PALLD: variants seen among roughly 807,000 people sequenced by gnomAD.
PALLD encodes the protein palladin, cytoskeletal associated protein.
Under a neutral mutation model 123.5 loss-of-function variants are expected in PALLD, and 61 were observed. The observed-to-expected ratio is 0.49, with a 90% confidence interval of 0.40 to 0.61. The LOEUF (loss-of-function observed/expected upper bound fraction) is 0.61. Ranked by LOEUF, PALLD falls within the 20% of genes least tolerant of loss-of-function variation. The pLI is 0.00. For synonymous variants in PALLD, 465 were observed against 496.4 expected, an observed-to-expected ratio of 0.94 and a Z score of 0.84; for missense variants, 1,273 against 1,377.0, an observed-to-expected ratio of 0.92 and a Z score of 1.20.
At chr4:168,787,758 T>C (rs912314367) in intron 10 of PALLD, among the ~76,000 whole-genome samples, 1 of 152,256 alleles carries the variant, frequency 6.6e-6, no homozygotes, top group African/African-American at 2.4e-5. Context: ...AGTCAACTAC[T>C]TTCTTTTATT....
chr4:168,743,068 T>C (rs1310993111), intron 10 of PALLD, among the ~76,000 whole-genome samples: 1 of 152,198 alleles, frequency 6.6e-6, no homozygotes, highest in African/African-American at 2.4e-5. Context: ...TTGCCTTCTG[T>C]GTCCTCCCCA....
chr4:168,767,446 G>T (rs1733822524), intron 10 of PALLD, among the ~76,000 whole-genome samples: 1 of 151,872 alleles, frequency 6.6e-6, no homozygotes, highest in Admixed American at 6.6e-5. Flanking sequence ...AGATAACATT[G>T]TTAACTTAGG....
chr4:168,679,061 CGT>C (rs777953027), intron 3 of PALLD, among the ~76,000 whole-genome samples: 5 of 84,116 alleles, frequency 5.9e-5, no homozygotes, highest in Non-Finnish European at 6.8e-5. Context: ...TGTGTAGGTG[CGT>C]GTGTGGTGGG....
chr4:168,552,043 TAGGTAAAATCTTTGAGATTTACCCTATA>T (rs1324619837), intron 2 of PALLD, among the ~76,000 whole-genome samples: 15 of 152,144 alleles, frequency 9.9e-5, no homozygotes, highest in African/African-American at 3.6e-4. Flanking sequence ...TTAAATACAT[TAGGTAAAATCTTTGAGATTTACCCTATA>T]AGGTAAATCT....
rs893660432 is a variant in PALLD, at chr4:168,926,374, G to C, written c.*194G>C. On this transcript the variant is annotated 3_prime_UTR_variant, in exon 22 of 22. Transcript: ENST00000505667. The stretch of plus-strand genomic sequence containing the variant: ...ACTGAATACTGCCTTGGTAGAAAGT[G>C]AGGACCTGTAATCCAGCATTCTTGT... 2 of 1,536,844 alleles carry C rather than the reference G, an allele frequency of 1.3e-6. No individual in the cohort carries two copies. The highest frequency in any genetic ancestry group is 1.7e-6 in the Non-Finnish European group (2 of 1,146,474).
chr4:168,905,572 A>G (rs1176764660), intron 15 of PALLD, among the ~76,000 whole-genome samples: 1 of 152,104 alleles, frequency 6.6e-6, no homozygotes, highest in East Asian at 1.9e-4. Flanking sequence ...AAAACAGATT[A>G]TCCAGCTAAT....
chr4:168,585,771 G>A (rs540778483), intron 2 of PALLD, among the ~76,000 whole-genome samples: 3 of 152,222 alleles, frequency 2.0e-5, no homozygotes, highest in Admixed American at 6.5e-5. Context: ...AGCAGCCCAC[G>A]CCTGCTCTTA....
intron 10 of PALLD, among the ~76,000 whole-genome samples, chr4:168,799,313 C>T (rs1738975545): frequency 6.6e-6 from 1 of 152,166 alleles, no homozygotes; most frequent in African/African-American, 2.4e-5. Context: ...GAGTCCTTCT[C>T]AGGCCATATT....
chr4:168,884,909 A>T (rs528073016), intron 10 of PALLD, among the ~76,000 whole-genome samples: 3 of 152,342 alleles, frequency 2.0e-5, no homozygotes, highest in Admixed American at 6.5e-5. Flanking sequence ...ACATTAGTTC[A>T]TGTAGTTTAC....
chr4:168,782,146 A>G (rs961164727), intron 10 of PALLD, among the ~76,000 whole-genome samples: 1 of 152,232 alleles, frequency 6.6e-6, no homozygotes, highest in African/African-American at 2.4e-5. Flanking sequence ...TGAATATTAT[A>G]GTACAACCGT....
At chr4:168,539,028 A>G (rs1765357065) in intron 2 of PALLD, among the ~76,000 whole-genome samples, 2 of 152,232 alleles carry the variant, frequency 1.3e-5, no homozygotes, top group South Asian at 4.1e-4. Flanking sequence ...AGATAAATGT[A>G]TAGTGTGTCA....
At chr4:168,887,021 G>A (rs533153966) in intron 10 of PALLD, among the ~76,000 whole-genome samples, 2 of 150,360 alleles carry the variant, frequency 1.3e-5, no homozygotes, top group South Asian at 4.2e-4. Flanking sequence ...GGAGGCTGAG[G>A]CAGGAGAACT....
intron 2 of PALLD, among the ~76,000 whole-genome samples, chr4:168,554,855 T>C (rs1767109191): frequency 6.6e-6 from 1 of 152,122 alleles, no homozygotes. Context: ...ACCTATCATA[T>C]TTATACTATT....
At chr4:168,695,419 G>A (rs1024081128) in intron 8 of PALLD, among the ~76,000 whole-genome samples, 4 of 152,170 alleles carry the variant, frequency 2.6e-5, no homozygotes, top group African/African-American at 7.2e-5. Context: ...GCCACACCAC[G>A]CTGACAGGGA....
intron 10 of PALLD, among the ~76,000 whole-genome samples, chr4:168,734,821 G>A (rs1022825911): frequency 6.6e-6 from 1 of 152,124 alleles, no homozygotes; most frequent in African/African-American, 2.4e-5. Flanking sequence ...CTACTTGAGA[G>A]GCTGAGACAG....
chr4:168,706,665 G>A (rs1008117264), intron 8 of PALLD, among the ~76,000 whole-genome samples: 8 of 152,282 alleles, frequency 5.3e-5, no homozygotes, highest in African/African-American at 1.7e-4. Flanking sequence ...TTTGGTGGGT[G>A]GGGCAGGGGG....
chr4:168,517,366 C>A (rs1763085057), intron 2 of PALLD, among the ~76,000 whole-genome samples: 1 of 152,116 alleles, frequency 6.6e-6, no homozygotes, highest in Non-Finnish European at 1.5e-5. Context: ...TTACTCATAT[C>A]TAATCATAAG....
chr4:168,838,249 C>T (rs979164751), intron 10 of PALLD, among the ~76,000 whole-genome samples: 2 of 152,080 alleles, frequency 1.3e-5, no homozygotes, highest in African/African-American at 4.8e-5. Context: ...GAGGGATGTC[C>T]TAGAGCGGCT....
intron 10 of PALLD, among the ~76,000 whole-genome samples, chr4:168,845,641 T>A (rs1044594904): frequency 1.3e-5 from 2 of 152,120 alleles, no homozygotes; most frequent in African/African-American, 4.8e-5. Flanking sequence ...ATCCGAAGGG[T>A]TCCTGGAACC....
Sources: allele counts gnomAD v4.1 joint callset (sites outside exome capture counted in the v4.1 genomes callset), GRCh38; gene constraint gnomAD v4.1.1; transcripts MANE v1.5; gene names NCBI Gene and HGNC (gene_info 2026-07-23, HGNC 2026-07-21).